CCNK: variants seen among roughly 807,000 people sequenced by gnomAD.
The protein encoded by CCNK is cyclin K, also known as cyclin-K.
Under a neutral mutation model 65.0 loss-of-function variants are expected in CCNK, and 9 were observed. The ratio of observed to expected loss-of-function variants is 0.14; its 90% CI spans 0.08 to 0.24. The LOEUF (loss-of-function observed/expected upper bound fraction) is 0.24, where lower values mean the gene tolerates loss of function less well. Ranked by LOEUF, CCNK falls within the 10% of genes least tolerant of loss-of-function variation. CCNK has a pLI of 1.00. For missense variants in CCNK, 474 were observed against 720.0 expected, an observed-to-expected ratio of 0.66 and a Z score of 3.91; for synonymous variants, 279 against 270.8, an observed-to-expected ratio of 1.03 and a Z score of -0.30.
At chr14:99,484,790 A>G (rs1170192086) in intron 1 of CCNK, among the ~76,000 whole-genome samples, 1 of 152,240 alleles carries the variant, frequency 6.6e-6, no homozygotes, top group Non-Finnish European at 1.5e-5. Flanking sequence ...GGGGATTTCG[A>G]TATTGGGTGA....
At position 99,503,764 on chromosome 14, in the gene CCNK, A is replaced by C. The variant is rs577488284; in HGVS notation, c.1045+120A>C. 86 of 821,036 alleles carry C rather than the reference A, an allele frequency of 1.0e-4. No individual in the cohort carries two copies. The African/African-American group carries it at 1.3e-3, about 12-fold the overall frequency. 50.9% of individuals were successfully genotyped at this position (821,036 alleles called of 1,614,324 possible). On this transcript the variant is annotated intron_variant, in intron 9 of 10. Coordinates refer to ENST00000389879, the MANE Select transcript of CCNK (RefSeq NM_001099402.2). ...GCCTTAAATCTTAACTTTAGAGCTC[A>C]TACAAAACTTTTCCATCAGCATTGT...
At chr14:99,501,264 T>A in intron 5 of CCNK, 92 bp from the exon 6 acceptor site, 1 of 818,790 alleles carries the variant, frequency 1.2e-6, no homozygotes, top group South Asian at 1.4e-5. Context: ...ATTTGAGTGG[T>A]GCTGAACACG....
At chr14:99,490,796 CG>C in intron 1 of CCNK, among the ~76,000 whole-genome samples, 1 of 152,032 alleles carries the variant, frequency 6.6e-6, no homozygotes, top group South Asian at 2.1e-4. Flanking sequence ...GGCGTGGTGG[CG>C]GGCGCCTGTA....
chr14:99,505,496 A>G (rs935945685), intron 9 of CCNK: 4 of 81,284 alleles, frequency 4.9e-5, no homozygotes, highest in Admixed American at 1.5e-4. Context: ...TTTTCGATCT[A>G]TCGGGTTAAA....
At chr14:99,484,518 C>A (rs926518232) in intron 1 of CCNK, among the ~76,000 whole-genome samples, 5 of 152,202 alleles carry the variant, frequency 3.3e-5, no homozygotes, top group African/African-American at 1.2e-4. Flanking sequence ...GTTTGAAAGA[C>A]AATCAATAGA....
rs936105110 is a variant in CCNK, at chr14:99,511,577, A to G, written c.*795A>G. On this transcript the variant is annotated 3_prime_UTR_variant, in exon 11 of 11. Transcript: ENST00000389879. ...GGCCTTCGCAGTCTGTGGCTTATAA[A>G]ATGTGCAGAGGCCCTCCTTCCAGAC... The G allele has an allele frequency of 6.6e-6, 1 of 152,474 alleles. No homozygotes were observed. Among genetic ancestry groups the G allele is most frequent in the South Asian group, 2.1e-4 (1 of 4,830 alleles). 9.4% of individuals were successfully genotyped at this position (152,474 alleles called of 1,614,324 possible).
At chr14:99,495,662 C>G in intron 4 of CCNK, 33 bp downstream of exon 4, 1 of 1,582,716 alleles carries the variant, frequency 6.3e-7, no homozygotes, top group Non-Finnish European at 8.6e-7. Context: ...GCCTTCTGGT[C>G]TTGATTCCTT....
At chr14:99,495,855 T>G (rs1215275028) in intron 4 of CCNK, among the ~76,000 whole-genome samples, 1 of 152,202 alleles carries the variant, frequency 6.6e-6, no homozygotes, top group African/African-American at 2.4e-5. Context: ...TTCTAAGTAC[T>G]TTGGGGCAGT....
intron 4 of CCNK, among the ~76,000 whole-genome samples, chr14:99,498,707 TTGA>T (rs1389204434): frequency 6.6e-6 from 1 of 152,086 alleles, no homozygotes; most frequent in Non-Finnish European, 1.5e-5. Context: ...ATATAACTAT[TTGA>T]TGATGAGTTG....
chr14:99,493,179 C>T (rs1896630336), intron 2 of CCNK: 3 of 431,294 alleles, frequency 7.0e-6, no homozygotes, highest in Non-Finnish European at 1.2e-5. Context: ...TAGACAGGAG[C>T]ATCCCTTGAA....
chr14:99,495,432 A>G, intron 3 of CCNK, 66 bp from the exon 4 acceptor site: 1 of 1,493,638 alleles, frequency 6.7e-7, no homozygotes, highest in Non-Finnish European at 9.0e-7. Flanking sequence ...GAAGGCCAAA[A>G]TTTATTGTAT....
Position 99,510,842 on chromosome 14 carries a change from A to G in CCNK, c.*60A>G. 2 of 1,339,906 alleles carry G rather than the reference A, an allele frequency of 1.5e-6. No individual in the cohort carries two copies. The highest frequency in any genetic ancestry group is 1.9e-6 in the Non-Finnish European group (2 of 1,031,774). 83.0% of individuals were successfully genotyped at this position (1,339,906 alleles called of 1,614,324 possible). A position where few individuals can be genotyped will look rare whatever the true frequency, so the allele number is the denominator to read the frequency against. On this transcript the variant is annotated 3_prime_UTR_variant, in exon 11 of 11. Transcript: ENST00000389879. ...AGATTTTCTAATCGACTTGCAGAGT[A>G]GTTGAAGTGGGTAAGCAGCAGGGTA...
chr14:99,493,200 C>A (rs1039074614), intron 2 of CCNK: 9 of 416,998 alleles, frequency 2.2e-5, no homozygotes, highest in Non-Finnish European at 3.8e-5. Flanking sequence ...ATCTGGAGTT[C>A]GAGACCAACC....
At chr14:99,482,470 G>A (rs1896368326) in intron 1 of CCNK, among the ~76,000 whole-genome samples, 1 of 152,194 alleles carries the variant, frequency 6.6e-6, no homozygotes, top group Admixed American at 6.5e-5. Context: ...TAGTAGTATT[G>A]ATAGACATTT....
chr14:99,510,053 C>A, intron 10 of CCNK, 104 bp from the exon 11 acceptor site: 1 of 1,183,062 alleles, frequency 8.5e-7, no homozygotes, highest in Non-Finnish European at 1.2e-6. Context: ...AGGCGGGCAG[C>A]TGCTCCCTGC....
intron 2 of CCNK, 23 bp from the exon 3 acceptor site, chr14:99,493,491 A>T (rs746681546): frequency 1.8e-5 from 27 of 1,513,462 alleles, no homozygotes. Flanking sequence ...GTTATTGGTT[A>T]GAGTCCTTAA....
chr14:99,487,705 A>G (rs1356233885), intron 1 of CCNK, among the ~76,000 whole-genome samples: 2 of 152,242 alleles, frequency 1.3e-5, no homozygotes, highest in African/African-American at 4.8e-5. Flanking sequence ...CTAGGAAAGA[A>G]CGAAGAGAGC....
intron 5 of CCNK, 27 bp downstream of exon 5, chr14:99,500,898 T>A (rs760419179): frequency 1.5e-6 from 2 of 1,326,590 alleles, no homozygotes; most frequent in Non-Finnish European, 2.1e-6. Flanking sequence ...CAGAAGAATT[T>A]TTTCATTCTG....
Position 99,510,924 on chromosome 14 carries a change from A to AAAAT in CCNK, c.*143_*146dup. Reference sequence around the variant, plus strand: ...GAAGAATGGACCGGGCCCCTGGGATAAAATCAGAGTGGTCCTCACACCTAG... The same window carrying AAAAT: ...GAAGAATGGACCGGGCCCCTGGGATAAAATAAATCAGAGTGGTCCTCACACCTAG... On this transcript the variant is annotated 3_prime_UTR_variant, in exon 11 of 11. Transcript: ENST00000389879. 1 of 713,020 alleles carries AAAAT rather than the reference A, an allele frequency of 1.4e-6. No homozygotes were observed. The highest frequency in any genetic ancestry group is 2.0e-6 in the Non-Finnish European group (1 of 501,104). The allele number at this position is 713,020 out of a possible 1,614,324, so 44.2% of individuals were successfully genotyped here.
Sources: allele counts gnomAD v4.1 joint callset (sites outside exome capture counted in the v4.1 genomes callset), GRCh38; gene constraint gnomAD v4.1.1; transcripts MANE v1.5; gene names NCBI Gene and HGNC (gene_info 2026-07-23, HGNC 2026-07-21).